Variants in OSGIN1 observed in about 807,000 individuals in gnomAD.
OSGIN1 encodes oxidative stress induced growth inhibitor 1, also known as oxidative stress-induced growth inhibitor 1.
Under a neutral mutation model 20.1 loss-of-function variants are expected in OSGIN1, and 19 were observed. The observed-to-expected ratio is 0.95, with a 90% CI of 0.66 to 1.39. The LOEUF is 1.39. OSGIN1 is among the 40% of genes most tolerant of loss of function. The pLI is 0.00. For synonymous variants in OSGIN1, 368 were observed against 297.8 expected (o/e 1.24, Z -2.43); for missense variants, 820 against 653.0 (o/e 1.26, Z -2.79).
chr16:83,960,694 G>A lies in OSGIN1; in HGVS notation c.330G>A (p.Lys110=). The change falls in exon 4 of 6, where the codon AAG becomes AAA. Residue 110 remains lysine, a synonymous_variant. Coordinates refer to ENST00000393306, the MANE Select transcript of OSGIN1 (RefSeq NM_182981.3). ...GGNMKSVLTW[K]HRKEHAIPHV... is the part of the protein sequence containing the mutation. Reference sequence around the variant, plus strand: ...ACATGAAGTCGGTCCTCACCTGGAAGCACCGGAAGGAGCACGCCATCCCCC... The same window carrying A: ...ACATGAAGTCGGTCCTCACCTGGAAACACCGGAAGGAGCACGCCATCCCCC... 1.2e-6 allele frequency: 2 copies of A among 1,613,604 alleles called. No homozygotes were observed. The highest frequency in any genetic ancestry group is 2.2e-5 in the East Asian group (1 of 44,878).
Position 83,965,186 on chromosome 16 carries a change from AC to A in OSGIN1, c.618del (p.Asp207IlefsTer16). 2 of 1,612,502 alleles carry A rather than the reference AC, an allele frequency of 1.2e-6. No homozygotes were observed. Among genetic ancestry groups the A allele is most frequent in the Non-Finnish European group, 8.5e-7 (1 of 1,179,814 alleles). On this transcript the variant is annotated frameshift_variant, in exon 6 of 6. Coordinates refer to ENST00000393306, the MANE Select transcript of OSGIN1 (RefSeq NM_182981.3). LOFTEE classifies it low-confidence loss of function (END_TRUNC). ...GAVVTAVEWG[T>X]PDPSSCGAQD... ...TGTAGTCACAGCCGTGGAGTGGGGG[AC>A]CCCCGATCCCAGCAGCTGTGGGGCC... is the stretch of plus-strand genomic sequence containing the variant.
chr16:83,956,768 G>A (rs1465610492), intron 1 of OSGIN1, among the ~76,000 whole-genome samples: 1 of 152,258 alleles, frequency 6.6e-6, no homozygotes, highest in East Asian at 1.9e-4. Context: ...CCACAAGGGT[G>A]TTGCCTTGTG....
chr16:83,953,334 G>A lies in OSGIN1; in HGVS notation c.-69G>A. The A allele has an allele frequency of 7.8e-7, 1 of 1,288,892 alleles. No individual in the cohort carries two copies. The highest frequency in any genetic ancestry group is 1.0e-6 in the Non-Finnish European group (1 of 988,566). The allele number at this position is 1,288,892 out of a possible 1,614,324, so 79.8% of individuals were successfully genotyped here. A position where few individuals can be genotyped will look rare whatever the true frequency, so the allele number is the denominator to read the frequency against. ...CCTGACCCTCCTAGTGCACAACTTG[G>A]CCGGGCTCACTGGGCTCCTGCACCA... On this transcript the variant is annotated 5_prime_UTR_variant, in exon 1 of 6. Transcript: ENST00000393306.
intron 5 of OSGIN1, among the ~76,000 whole-genome samples, chr16:83,963,677 G>A (rs928286245): frequency 6.6e-6 from 1 of 152,188 alleles, no homozygotes; most frequent in African/African-American, 2.4e-5. Context: ...GACTGGCACG[G>A]CCTTGGGGGT....
At chr16:83,962,535 C>G (rs987551413) in intron 5 of OSGIN1, among the ~76,000 whole-genome samples, 1 of 152,250 alleles carries the variant, frequency 6.6e-6, no homozygotes, top group Non-Finnish European at 1.5e-5. Flanking sequence ...GCCACCACGC[C>G]AGGCTAATTT....
rs1909156973 is a variant in OSGIN1 at position 83,960,580 on chromosome 16, C to T, written c.216C>T (p.Tyr72=). ...GVSILDQDLD[Y]LSEGLEGRSQ... ...ATGCCCCCCTCCAGGACCTGGACTA[C>T]CTGTCCGAAGGCCTCGAAGGCCGAT... The change falls in exon 4 of 6, where the codon TAC becomes TAT. Residue 72 remains tyrosine (Y), a synonymous_variant. Coordinates refer to ENST00000393306, the MANE Select transcript of OSGIN1 (RefSeq NM_182981.3). 1.2e-6 allele frequency: 2 copies of T among 1,613,156 alleles called. No individual in the cohort carries two copies. Among genetic ancestry groups the T allele is most frequent in the Non-Finnish European group, 8.5e-7 (1 of 1,179,888 alleles).
At chr16:83,963,491 A>C (rs1341281858) in intron 5 of OSGIN1, among the ~76,000 whole-genome samples, 1 of 151,970 alleles carries the variant, frequency 6.6e-6, no homozygotes, top group African/African-American at 2.4e-5. Flanking sequence ...TGCCAAGGTT[A>C]CCCAGCCCCT....
In OSGIN1 at chr16:83,965,428, A is replaced by C; in HGVS notation, c.855A>C (p.Ser285=). The C allele has an allele frequency of 1.3e-6, 2 of 1,584,038 alleles. No individual in the cohort carries two copies. The highest frequency in any genetic ancestry group is 3.4e-5 in the Admixed American group (2 of 59,160). Residue 285 remains serine, a synonymous_variant, in exon 6 of 6, where the codon TCA becomes TCC. Coordinates refer to ENST00000393306, the MANE Select transcript of OSGIN1 (RefSeq NM_182981.3). The stretch of plus-strand genomic sequence containing the variant: ...GGGTGGGTGCGGTGACCCCGGCCTC[A>C]GACCCTGTCCTCATCATTGGCGCGG... ...ATRVGAVTPA[S]DPVLIIGAGL... is the part of the protein sequence containing the mutation.
At chr16:83,954,596 C>T (rs1031884582) in intron 1 of OSGIN1, 22 of 171,198 alleles carry the variant, frequency 1.3e-4, no homozygotes, top group African/African-American at 4.8e-4. Flanking sequence ...CAAGCTGCTT[C>T]GGACTTTGGG....
At chr16:83,961,439 C>T (rs902966261) in intron 5 of OSGIN1, among the ~76,000 whole-genome samples, 2 of 152,136 alleles carry the variant, frequency 1.3e-5, no homozygotes, top group Non-Finnish European at 2.9e-5. Context: ...ATGAGGCGAT[C>T]AGATACGCAT....
In OSGIN1 at chr16:83,953,389, G is replaced by A. The variant is rs757261432; in HGVS notation, c.-33+19G>A. 4 of 1,288,526 alleles carry A rather than the reference G, an allele frequency of 3.1e-6. No individual in the cohort carries two copies. In the South Asian group the frequency reaches 3.7e-5, roughly 12 times the overall value. 79.8% of individuals were successfully genotyped at this position (1,288,526 alleles called of 1,614,324 possible). On this transcript the variant is annotated intron_variant, in intron 1 of 5. Transcript: ENST00000393306. ...CTGTCAGGTGAGTGTCCGGGGCCAG[G>A]TTCCGGGGCAGGGAATCAGGCACAT...
At position 83,965,796 on chromosome 16, in the gene OSGIN1, C is replaced by A. The variant is rs2084273211; in HGVS notation, c.1223C>A (p.Ala408Glu). 2 of 1,613,046 alleles carry A rather than the reference C, an allele frequency of 1.2e-6. No individual in the cohort carries two copies. The highest frequency in any genetic ancestry group is 1.3e-5 in the African/African-American group (1 of 75,052). The change falls in exon 6 of 6, where the codon GCA becomes GAA. Residue 408 changes from alanine to glutamate, a missense_variant. Coordinates refer to ENST00000393306, the MANE Select transcript of OSGIN1 (RefSeq NM_182981.3). ...CCCGACCTCTCCTTCCTGCCTGGGG[C>A]AGGGGCTGACTTTGCAGTGGATCCT... Reference protein sequence around the residue: ...SHPDLSFLPGAGADFAVDPDQ... With the variant: ...SHPDLSFLPGEGADFAVDPDQ...
Sources: gnomAD v4.1 joint callset for allele counts (sites outside exome capture counted in the v4.1 genomes callset) on GRCh38, gnomAD v4.1.1 for gene constraint, MANE v1.5 for transcripts, NCBI Gene and HGNC (gene_info 2026-07-23, HGNC 2026-07-21) for gene names.